Variants in FILIP1 observed in about 807,000 individuals in gnomAD.
The protein encoded by FILIP1 is filamin-A-interacting protein 1.
In FILIP1, 61 loss-of-function variants were observed where a neutral mutation model predicts 102.1. The observed-to-expected ratio is 0.60, with a 90% CI of 0.49 to 0.74. FILIP1 has a LOEUF of 0.74. Among genes scored for constraint, FILIP1 ranks in the 30% least tolerant of loss-of-function variants. The pLI, the probability that FILIP1 is intolerant of heterozygous loss-of-function variation, is 0.00. For synonymous variants in FILIP1, 491 were observed against 526.9 expected, an observed-to-expected ratio of 0.93 and a Z score of 0.93; for missense variants, 1,314 against 1,441.2, an observed-to-expected ratio of 0.91 and a Z score of 1.43.
At chr6:75,464,457 T>C (rs1455321963) in intron 1 of FILIP1, among the ~76,000 whole-genome samples, 2 of 152,164 alleles carry the variant, frequency 1.3e-5, no homozygotes, top group African/African-American at 4.8e-5. Context: ...ATGCAGGAAA[T>C]ATTTCCTTTT....
At chr6:75,422,873 T>C (rs1464369139) in intron 1 of FILIP1, among the ~76,000 whole-genome samples, 1 of 152,156 alleles carries the variant, frequency 6.6e-6, no homozygotes, top group Non-Finnish European at 1.5e-5. Flanking sequence ...TGTTATTTAT[T>C]TTATATTTAT....
intron 1 of FILIP1, among the ~76,000 whole-genome samples, chr6:75,431,686 C>T (rs767282074): frequency 3.4e-4 from 52 of 152,276 alleles, no homozygotes; most frequent in Non-Finnish European, 6.2e-4. Context: ...ACTTCCCCCA[C>T]ACCAGGCACA....
At chr6:75,348,647 G>A (rs568461310) in intron 4 of FILIP1, among the ~76,000 whole-genome samples, 1 of 152,320 alleles carries the variant, frequency 6.6e-6, no homozygotes, top group East Asian at 1.9e-4. Context: ...CACTTACAGG[G>A]TCTAGGTCAG....
At chr6:75,362,449 A>G (rs1775198976) in intron 3 of FILIP1, among the ~76,000 whole-genome samples, 1 of 152,366 alleles carries the variant, frequency 6.6e-6, no homozygotes, top group Middle Eastern at 3.4e-3. Context: ...ATTTTTACAC[A>G]TATCATTTCT....
chr6:75,345,814 A>G (rs1053413534), intron 4 of FILIP1, among the ~76,000 whole-genome samples: 3 of 152,082 alleles, frequency 2.0e-5, no homozygotes, highest in Admixed American at 6.6e-5. Flanking sequence ...TAACCCACCC[A>G]CATGTGTCCA....
intron 1 of FILIP1, among the ~76,000 whole-genome samples, chr6:75,440,184 T>C (rs1382997957): frequency 6.6e-6 from 1 of 152,190 alleles, no homozygotes; most frequent in Non-Finnish European, 1.5e-5. Context: ...GGGCAACTTT[T>C]TGGGAATCTA....
chr6:75,430,801 G>A (rs1777797920), intron 1 of FILIP1, among the ~76,000 whole-genome samples: 1 of 152,194 alleles, frequency 6.6e-6, no homozygotes, highest in Non-Finnish European at 1.5e-5. Context: ...GATTAGGACA[G>A]AGGTGCAGGC....
chr6:75,489,161 C>T (rs1323080007), intron 1 of FILIP1, among the ~76,000 whole-genome samples: 1 of 152,138 alleles, frequency 6.6e-6, no homozygotes, highest in Non-Finnish European at 1.5e-5. Flanking sequence ...TATAAACACA[C>T]TTTATCTCCA....
intron 1 of FILIP1, among the ~76,000 whole-genome samples, chr6:75,437,566 CT>C (rs1778066772): frequency 6.6e-6 from 1 of 152,156 alleles, no homozygotes; most frequent in African/African-American, 2.4e-5. Flanking sequence ...GGAATCTCTC[CT>C]TGCTCACTAT....
chr6:75,308,029 G>C, downstream of FILIP1: 1 of 985,170 alleles, frequency 1.0e-6, no homozygotes, highest in Non-Finnish European at 1.2e-6. Flanking sequence ...TCTTATGGAG[G>C]AGCTAAAACT....
At chr6:75,396,290 T>C (rs927216641) in intron 2 of FILIP1, among the ~76,000 whole-genome samples, 2 of 151,516 alleles carry the variant, frequency 1.3e-5, no homozygotes, top group African/African-American at 4.8e-5. Context: ...TTTTGTATTT[T>C]AAAAAGCTAA....
At chr6:75,327,139 C>T (rs1161665320) in intron 4 of FILIP1, among the ~76,000 whole-genome samples, 3 of 152,202 alleles carry the variant, frequency 2.0e-5, no homozygotes, top group Non-Finnish European at 4.4e-5. Flanking sequence ...ACATCTTCCT[C>T]AAATCAGTCA....
chr6:75,411,285 T>C (rs1777060220), intron 2 of FILIP1, among the ~76,000 whole-genome samples: 1 of 152,226 alleles, frequency 6.6e-6, no homozygotes. Context: ...TCTTGTAAAC[T>C]TGTTTAAGTT....
intron 6 of FILIP1, among the ~76,000 whole-genome samples, chr6:75,299,562 C>A (rs1169872910): frequency 6.6e-6 from 1 of 152,074 alleles, no homozygotes; most frequent in East Asian, 1.9e-4. Flanking sequence ...ATATGAGACA[C>A]TGAGTTTTTA....
chr6:75,454,119 C>T (rs6917760), intron 1 of FILIP1: 8,500 of 424,406 alleles, frequency 0.02, 198 homozygotes, highest in South Asian at 0.066. Flanking sequence ...TTCAGGGATG[C>T]GTTCTTTACT....
At chr6:75,410,166 C>T (rs768678677) in intron 2 of FILIP1, among the ~76,000 whole-genome samples, 1 of 152,150 alleles carries the variant, frequency 6.6e-6, no homozygotes, top group Non-Finnish European at 1.5e-5. Context: ...GACTCATATA[C>T]AGTCACCCCA....
chr6:75,476,864 C>T (rs1779488916), intron 1 of FILIP1, among the ~76,000 whole-genome samples: 1 of 152,118 alleles, frequency 6.6e-6, no homozygotes, highest in South Asian at 2.1e-4. Flanking sequence ...CTTTCTGCTC[C>T]CTAGTGTCTG....
intron 1 of FILIP1, among the ~76,000 whole-genome samples, chr6:75,417,754 C>G (rs953084728): frequency 4.6e-5 from 7 of 152,226 alleles, no homozygotes; most frequent in African/African-American, 1.7e-4. Context: ...TATCACACAG[C>G]TACTCCTAGT....
At chr6:75,417,756 ACTCC>A (rs1319161140) in intron 1 of FILIP1, among the ~76,000 whole-genome samples, 7 of 152,150 alleles carry the variant, frequency 4.6e-5, no homozygotes, top group African/African-American at 1.7e-4. Context: ...TCACACAGCT[ACTCC>A]TAGTGGAGAG....
Sources: allele counts gnomAD v4.1 joint callset (sites outside exome capture counted in the v4.1 genomes callset), GRCh38; gene constraint gnomAD v4.1.1; transcripts MANE v1.5; gene names NCBI Gene and HGNC (gene_info 2026-07-23, HGNC 2026-07-21).